Variants in PSD3 observed in about 807,000 individuals in gnomAD.
The protein encoded by PSD3 is pleckstrin and Sec7 domain containing 3.
In PSD3, 49 loss-of-function variants were observed where a neutral mutation model predicts 105.5. The ratio of observed to expected loss-of-function variants is 0.46; its 90% CI spans 0.37 to 0.59. The LOEUF (loss-of-function observed/expected upper bound fraction) is 0.59. Ranked by LOEUF, PSD3 falls within the 20% of genes least tolerant of loss-of-function variation. The probability of loss-of-function intolerance (pLI) is 0.00; values close to 1 mark genes in which losing one functional copy is unlikely to be tolerated. For missense variants in PSD3, 1,561 were observed against 1,263.8 expected (o/e 1.24, Z -3.57); for synonymous variants, 557 against 457.8 (o/e 1.22, Z -2.77).
chr8:18,567,497 A>C (rs1239963099), intron 14 of PSD3, among the ~76,000 whole-genome samples: 2 of 152,166 alleles, frequency 1.3e-5, no homozygotes. Context: ...TTTCTTTTAA[A>C]GTTGTAGTGT....
At chr8:18,586,832 G>A (rs1004089806) in intron 12 of PSD3, among the ~76,000 whole-genome samples, 4 of 152,150 alleles carry the variant, frequency 2.6e-5, no homozygotes, top group African/African-American at 9.7e-5. Context: ...GAAGCCCTTG[G>A]ACAGGATTCC....
intron 1 of PSD3, among the ~76,000 whole-genome samples, chr8:19,002,294 C>T (rs1485077050): frequency 1.3e-5 from 2 of 151,992 alleles, no homozygotes; most frequent in African/African-American, 4.8e-5. Flanking sequence ...CCCCCGTCTT[C>T]CTTGTGAGTT....
intron 11 of PSD3, among the ~76,000 whole-genome samples, chr8:18,621,460 C>T (rs969008363): frequency 2.6e-5 from 4 of 152,190 alleles, no homozygotes; most frequent in Admixed American, 2.0e-4. Context: ...CCTCTTTCAA[C>T]CGACTTTATT....
chr8:18,915,316 C>T (rs1820512961), intron 2 of PSD3, among the ~76,000 whole-genome samples: 1 of 152,094 alleles, frequency 6.6e-6, no homozygotes, highest in Non-Finnish European at 1.5e-5. Context: ...ACCAAAAACA[C>T]AGGCAATGAA....
intron 10 of PSD3, among the ~76,000 whole-genome samples, chr8:18,637,359 C>T (rs777831605): frequency 6.6e-6 from 1 of 152,086 alleles, no homozygotes; most frequent in Non-Finnish European, 1.5e-5. Context: ...AAATGCATTT[C>T]TTGTGATGTT....
chr8:19,004,221 G>T (rs1463862822), intron 1 of PSD3, among the ~76,000 whole-genome samples: 2 of 152,036 alleles, frequency 1.3e-5, no homozygotes, highest in East Asian at 3.8e-4. Context: ...CAGAGAACTG[G>T]CTTCCAAAAT....
intron 1 of PSD3, among the ~76,000 whole-genome samples, chr8:19,012,102 A>T (rs1826977723): frequency 6.6e-6 from 1 of 152,242 alleles, no homozygotes; most frequent in African/African-American, 2.4e-5. Flanking sequence ...TCACCCAGTC[A>T]GTGGCAAAGC....
chr8:18,664,047 T>C (rs1352655674), intron 9 of PSD3, among the ~76,000 whole-genome samples: 2 of 152,230 alleles, frequency 1.3e-5, no homozygotes, highest in African/African-American at 2.4e-5. Flanking sequence ...ATAAATGTTA[T>C]GTGTTCTGAG....
intron 9 of PSD3, among the ~76,000 whole-genome samples, chr8:18,688,880 C>A (rs1335080005): frequency 6.6e-6 from 1 of 152,352 alleles, no homozygotes; most frequent in East Asian, 1.9e-4. Context: ...TGGAGAGAAG[C>A]AGCTGTTTAA....
intron 2 of PSD3, among the ~76,000 whole-genome samples, chr8:18,933,593 G>C (rs1432471188): frequency 6.6e-6 from 1 of 152,076 alleles, no homozygotes; most frequent in Non-Finnish European, 1.5e-5. Flanking sequence ...TCAGCCTCCC[G>C]AGTAGCTAGA....
chr8:18,914,515 GT>G (rs1820455332), intron 2 of PSD3, among the ~76,000 whole-genome samples: 1 of 152,092 alleles, frequency 6.6e-6, no homozygotes, highest in African/African-American at 2.4e-5. Flanking sequence ...ATTCAGTAAG[GT>G]TGCAGGATAC....
At chr8:18,701,079 C>A (rs937676409) in intron 9 of PSD3, among the ~76,000 whole-genome samples, 2 of 152,056 alleles carry the variant, frequency 1.3e-5, no homozygotes, top group Non-Finnish European at 2.9e-5. Context: ...AATCCTCTCA[C>A]CCCAGCCTCC....
chr8:18,790,305 C>CTT lies in PSD3; in HGVS notation c.2082+8988_2082+8989dup, dbSNP rs772350691. ...TCATAACATTTTTCTTTTTTCTTTT[C>CTT]TTTTTTTTTTTTTTTTGAGACGGAG... On this transcript the variant is annotated intron_variant, in intron 8 of 15. Coordinates refer to ENST00000327040, the MANE Select transcript of PSD3 (RefSeq NM_015310.4). 2.3e-3 allele frequency among the ~76,000 whole-genome samples: 311 copies of CTT among 133,358 alleles called. 1 individual carries two copies. Among genetic ancestry groups the CTT allele is most frequent in the African/African-American group, 8.0e-3 (281 of 35,088 alleles). The allele number at this position is 133,358 out of a possible 152,430, so 87.5% of individuals were successfully genotyped here.
At chr8:19,004,878 G>T (rs895656237) in intron 1 of PSD3, among the ~76,000 whole-genome samples, 4 of 152,032 alleles carry the variant, frequency 2.6e-5, no homozygotes, top group African/African-American at 9.7e-5. Context: ...TTTGCCTGCT[G>T]CCATACATGT....
rs535650410 is a variant in PSD3 at position 18,872,828 on chromosome 8, T to C, written c.131-95A>G. On this transcript the variant is annotated intron_variant, in intron 2 of 15. Coordinates refer to ENST00000327040, the MANE Select transcript of PSD3 (RefSeq NM_015310.4). ...TTCACACAGATTAGGCACTCAATAA[T>C]ACTTATTAACTTGATTATTGCATTA... The C allele has an allele frequency of 1.2e-4, 147 of 1,228,056 alleles. 3 individuals carry two copies. In the South Asian group the frequency reaches 1.4e-3, roughly 12 times the overall value. The allele number at this position is 1,228,056 out of a possible 1,614,324, so 76.1% of individuals were successfully genotyped here. A position where few individuals can be genotyped will look rare whatever the true frequency, so the allele number is the denominator to read the frequency against.
chr8:18,931,700 T>C (rs554832146), intron 2 of PSD3, among the ~76,000 whole-genome samples: 115 of 152,146 alleles, frequency 7.6e-4, no homozygotes, highest in Non-Finnish European at 1.5e-3. Flanking sequence ...AGGGAGGCAA[T>C]GTGAAAACAG....
At chr8:18,703,943 G>A (rs889484467) in intron 9 of PSD3, among the ~76,000 whole-genome samples, 2 of 151,902 alleles carry the variant, frequency 1.3e-5, no homozygotes, top group Admixed American at 1.3e-4. Context: ...CTAAAATTGT[G>A]GCATTGATTC....
At chr8:19,063,766 T>C (rs1340029575) in intron 1 of PSD3, among the ~76,000 whole-genome samples, 1 of 152,138 alleles carries the variant, frequency 6.6e-6, no homozygotes, top group African/African-American at 2.4e-5. Flanking sequence ...AGGGATTCCT[T>C]AGTCTTAAAA....
At chr8:19,018,596 A>C (rs1023869050), upstream of PSD3, among the ~76,000 whole-genome samples, 1 of 152,260 alleles carries the variant, frequency 6.6e-6, no homozygotes, top group Admixed American at 6.5e-5. Flanking sequence ...GTGTGTGTAC[A>C]TGAAAGCACG....
Sources: allele counts gnomAD v4.1 joint callset (sites outside exome capture counted in the v4.1 genomes callset), GRCh38; gene constraint gnomAD v4.1.1; transcripts MANE v1.5; gene names NCBI Gene and HGNC (gene_info 2026-07-23, HGNC 2026-07-21).